The following SMIM35 variants were observed in gnomAD, a reference collection of about 807,000 sequenced individuals.
The protein encoded by SMIM35 is TMPRSS4 antisense RNA 1 (non-protein coding).
chr11:118,061,551 C>T (rs1208160014), intron 1 of SMIM35, among the ~76,000 whole-genome samples: 2 of 151,960 alleles, frequency 1.3e-5, no homozygotes, highest in South Asian at 2.1e-4. Context: ...AGACGAACAC[C>T]GTCGGATCAA....
intron 1 of SMIM35, among the ~76,000 whole-genome samples, chr11:118,042,033 A>G (rs1441135108): frequency 1.4e-5 from 2 of 147,202 alleles, no homozygotes; most frequent in Admixed American, 1.4e-4. Flanking sequence ...CCTGGGCAAC[A>G]GAGTGAGACT....
intron 1 of SMIM35, among the ~76,000 whole-genome samples, chr11:118,040,654 A>C (rs543770105): frequency 5.3e-5 from 8 of 152,268 alleles, no homozygotes; most frequent in Non-Finnish European, 8.8e-5. Context: ...TACACACACA[A>C]AAAAAAGGTG....
At chr11:118,028,305 A>C (rs1001593801) in intron 1 of SMIM35, among the ~76,000 whole-genome samples, 2 of 152,254 alleles carry the variant, frequency 1.3e-5, no homozygotes, top group Admixed American at 6.5e-5. Flanking sequence ...TGTTGGGCTA[A>C]GGAGGAGAAA....
intron 4 of SMIM35, among the ~76,000 whole-genome samples, chr11:118,008,517 T>C (rs557994746): frequency 6.6e-6 from 1 of 152,332 alleles, no homozygotes; most frequent in South Asian, 2.1e-4. Flanking sequence ...AAGCTCCCTC[T>C]TCACCTGCCA....
chr11:118,035,645 G>A (rs1377176526), intron 1 of SMIM35, among the ~76,000 whole-genome samples: 1 of 152,124 alleles, frequency 6.6e-6, no homozygotes, highest in East Asian at 1.9e-4. Context: ...CTCCTCAGGT[G>A]TGGAGGAGTC....
chr11:118,043,088 G>A (rs928642998), intron 1 of SMIM35, among the ~76,000 whole-genome samples: 5 of 152,154 alleles, frequency 3.3e-5, no homozygotes, highest in African/African-American at 7.2e-5. Flanking sequence ...TCAGTAACAC[G>A]ACGAAGATGT....
At position 118,043,802 on chromosome 11, in the gene SMIM35, CA is replaced by C. The variant is rs34311391; in HGVS notation, c.8-27994del. ...TGGGCGACAGAGAGAAACTCCATCT[CA>C]AAAAAAAAAAAGGAAAAGAAAAAGA... On this transcript the variant is annotated intron_variant, in intron 1 of 4. Coordinates refer to ENST00000689828, the MANE Select transcript of SMIM35 (RefSeq NM_001394165.1). 1.2e-3 allele frequency among the ~76,000 whole-genome samples: 127 copies of C among 105,332 alleles called. 2 individuals carry two copies. Among genetic ancestry groups the C allele is most frequent in the African/African-American group, 2.9e-3 (75 of 26,200 alleles). 69.1% of individuals were successfully genotyped at this position (105,332 alleles called of 152,430 possible). A position where few individuals can be genotyped will look rare whatever the true frequency, so the allele number is the denominator to read the frequency against.
intron 1 of SMIM35, among the ~76,000 whole-genome samples, chr11:118,045,867 C>G (rs897662733): frequency 6.6e-6 from 1 of 152,192 alleles, no homozygotes; most frequent in African/African-American, 2.4e-5. Flanking sequence ...CGGAAAAAGA[C>G]TTGGAGCCAG....
intron 1 of SMIM35, chr11:118,076,963 C>T (rs1025541163): frequency 1.3e-5 from 4 of 296,706 alleles, no homozygotes; most frequent in Non-Finnish European, 2.5e-5. Flanking sequence ...TGAATGACTT[C>T]AGGTGTTGTT....
intron 1 of SMIM35, among the ~76,000 whole-genome samples, chr11:118,070,957 C>A (rs1292866810): frequency 1.3e-5 from 2 of 152,204 alleles, no homozygotes; most frequent in Non-Finnish European, 2.9e-5. Context: ...TCAACCCTGC[C>A]TGAGCCTCAG....
chr11:118,082,798 G>A (rs1177983551), intron 1 of SMIM35, among the ~76,000 whole-genome samples: 1 of 152,146 alleles, frequency 6.6e-6, no homozygotes, highest in African/African-American at 2.4e-5. Flanking sequence ...ATCAGGCCTA[G>A]GACTAATCCT....
intron 1 of SMIM35, among the ~76,000 whole-genome samples, chr11:118,056,175 C>A (rs1356392732): frequency 4.6e-5 from 7 of 151,962 alleles, no homozygotes; most frequent in Non-Finnish European, 1.0e-4. Flanking sequence ...ATTCTATTGG[C>A]CCCTGAGAGG....
rs142832804 is a variant in SMIM35, at chr11:118,015,118, G to A, written c.125-377C>T. On this transcript the variant is annotated intron_variant, in intron 2 of 4. Transcript: ENST00000689828. ...ACAAAAGTGCATTGGCACATAGTAG[G>A]TGCTCAACAAATATCCATGGACTCT... 5.9e-5 allele frequency among the ~76,000 whole-genome samples: 9 copies of A among 152,318 alleles called. No homozygotes were observed. In the East Asian group the frequency reaches 1.7e-3, roughly 29 times the overall value.
intron 1 of SMIM35, among the ~76,000 whole-genome samples, chr11:118,063,418 CTA>C (rs1944422678): frequency 1.3e-5 from 2 of 152,200 alleles, no homozygotes; most frequent in African/African-American, 4.8e-5. Context: ...GTCTTTATTT[CTA>C]AATCTTCTTT....
At chr11:118,074,656 G>A (rs1026312822) in intron 1 of SMIM35, among the ~76,000 whole-genome samples, 2 of 152,080 alleles carry the variant, frequency 1.3e-5, no homozygotes, top group East Asian at 3.9e-4. Flanking sequence ...CTGAGGCGGG[G>A]GAATCCCTTG....
intron 1 of SMIM35, among the ~76,000 whole-genome samples, chr11:118,073,075 G>A (rs533559937): frequency 2.6e-5 from 4 of 152,218 alleles, no homozygotes; most frequent in Admixed American, 6.5e-5. Context: ...CCTCCACCAC[G>A]CCCGGCTAAT....
At chr11:118,030,648 G>T (rs1480264343) in intron 1 of SMIM35, among the ~76,000 whole-genome samples, 4 of 152,090 alleles carry the variant, frequency 2.6e-5, no homozygotes, top group Admixed American at 6.6e-5. Flanking sequence ...ATCCCAAGCT[G>T]GGGGAGGAGG....
At chr11:118,054,399 C>CA (rs1944277374) in intron 1 of SMIM35, among the ~76,000 whole-genome samples, 1 of 152,148 alleles carries the variant, frequency 6.6e-6, no homozygotes, top group Non-Finnish European at 1.5e-5. Context: ...AATGCAGCTC[C>CA]ATGGATAGAC....
At chr11:118,023,840 C>A (rs1016004138) in intron 1 of SMIM35, among the ~76,000 whole-genome samples, 1 of 151,988 alleles carries the variant, frequency 6.6e-6, no homozygotes, top group East Asian at 1.9e-4. Flanking sequence ...CCAGACGAGC[C>A]TGGCCAAAAT....
Sources: allele counts gnomAD v4.1 joint callset (sites outside exome capture counted in the v4.1 genomes callset), GRCh38; gene constraint gnomAD v4.1.1; transcripts MANE v1.5; gene names NCBI Gene and HGNC (gene_info 2026-07-23, HGNC 2026-07-21).